The following QTGAL variants were observed in gnomAD, a reference collection of about 807,000 sequenced individuals.
The protein encoded by QTGAL is BGnT-like protein 1.
the QTGAL span, chr17:82,961,074 G>A: frequency 6.2e-7 from 1 of 1,609,668 alleles, no homozygotes; most frequent in East Asian, 2.2e-5. Flanking sequence ...CGCAGTGCGT[G>A]GCCGCCTGTG....
chr17:82,956,635 G>A, the QTGAL span: 14 of 1,474,492 alleles, frequency 9.5e-6, no homozygotes, highest in Non-Finnish European at 1.2e-5. This position sits in a 1 kb window ranked among gnomAD's most constrained non-coding sequence, Gnocchi z 5.7. Context: ...AGGGCGGGTT[G>A]TCCAGGTGGC....
chr17:83,031,149 G>C, the QTGAL span, among the ~76,000 whole-genome samples: 227 of 152,356 alleles, frequency 1.5e-3, 1 homozygote, highest in Middle Eastern at 0.01. Flanking sequence ...ACAGACAACC[G>C]AGACGAGAAC....
the QTGAL span, among the ~76,000 whole-genome samples, chr17:82,996,549 A>T: frequency 6.6e-6 from 1 of 151,710 alleles, no homozygotes; most frequent in African/African-American, 2.4e-5. Flanking sequence ...TAGAAAACAC[A>T]ACCCTAAAAT....
the QTGAL span, among the ~76,000 whole-genome samples, chr17:83,021,969 G>C: frequency 6.6e-6 from 1 of 151,988 alleles, no homozygotes; most frequent in African/African-American, 2.4e-5. Context: ...GAAAGAACAG[G>C]AATGCTGGAA....
the QTGAL span, among the ~76,000 whole-genome samples, chr17:82,966,716 A>C: frequency 6.6e-6 from 1 of 152,216 alleles, no homozygotes; most frequent in Non-Finnish European, 1.5e-5. Context: ...TGAGCTGAAC[A>C]CAAAAGAGGC....
the QTGAL span, chr17:82,948,675 TG>T: frequency 2.6e-5 from 4 of 152,316 alleles, no homozygotes; most frequent in African/African-American, 9.6e-5. Context: ...CCATGAGGGT[TG>T]GCCCTGCCAG....
the QTGAL span, among the ~76,000 whole-genome samples, chr17:83,016,063 G>A: frequency 0.037 from 5,667 of 152,266 alleles, 160 homozygotes; most frequent in Non-Finnish European, 0.051. Flanking sequence ...CCGGCCATAA[G>A]CATTTATTGA....
chr17:82,995,828 A>G, the QTGAL span, among the ~76,000 whole-genome samples: 1 of 152,230 alleles, frequency 6.6e-6, no homozygotes, highest in South Asian at 2.1e-4. Flanking sequence ...TGAAAACTAT[A>G]AAACACTGAT....
At chr17:83,039,264 CT>C in the QTGAL span, among the ~76,000 whole-genome samples, 1 of 142,338 alleles carries the variant, frequency 7.0e-6, no homozygotes, top group African/African-American at 2.6e-5. Flanking sequence ...CCGCCCGCCC[CT>C]GTTCTAGACA....
chr17:83,025,126 C>G, the QTGAL span, among the ~76,000 whole-genome samples: 1 of 151,984 alleles, frequency 6.6e-6, no homozygotes, highest in East Asian at 1.9e-4. Context: ...AGTCCACACA[C>G]ACATAGAAAC....
the QTGAL span, among the ~76,000 whole-genome samples, chr17:82,958,737 C>T: frequency 6.6e-6 from 1 of 151,292 alleles, no homozygotes. Flanking sequence ...ATAGTCCGGA[C>T]CCCACCTGGG....
the QTGAL span, chr17:82,960,991 C>A: frequency 1.3e-6 from 2 of 1,542,292 alleles, no homozygotes; most frequent in East Asian, 4.7e-5. Flanking sequence ...ACCCCGGCCC[C>A]GACCTCGGGC....
the QTGAL span, among the ~76,000 whole-genome samples, chr17:83,012,290 A>G: frequency 2.0e-5 from 3 of 150,700 alleles, no homozygotes; most frequent in Admixed American, 6.6e-5. Context: ...CCTCGTATCC[A>G]TAAGTCTCCC....
At chr17:83,031,965 C>A in the QTGAL span, among the ~76,000 whole-genome samples, 8 of 152,224 alleles carry the variant, frequency 5.3e-5, no homozygotes, top group African/African-American at 1.9e-4. Flanking sequence ...CGGGAAGGTG[C>A]CCACAGGCCC....
chr17:82,976,606 C>A, the QTGAL span, among the ~76,000 whole-genome samples: 1 of 77,362 alleles, frequency 1.3e-5, no homozygotes, highest in East Asian at 3.8e-4. Flanking sequence ...CGGACTCCAT[C>A]CTCCCAGGGA....
At chr17:83,019,915 G>A in the QTGAL span, among the ~76,000 whole-genome samples, 2 of 152,038 alleles carry the variant, frequency 1.3e-5, no homozygotes, top group Non-Finnish European at 2.9e-5. Flanking sequence ...CACATTTTTA[G>A]TAGAGACAGC....
At chr17:83,013,390 C>T in the QTGAL span, among the ~76,000 whole-genome samples, 3 of 124,458 alleles carry the variant, frequency 2.4e-5, no homozygotes, top group Admixed American at 1.6e-4. Flanking sequence ...CCATCCCAAC[C>T]CCCCTCCCCC....
the QTGAL span, chr17:83,005,044 A>G: frequency 7.7e-7 from 1 of 1,292,998 alleles, no homozygotes; most frequent in South Asian, 1.4e-5. This position sits in a 1 kb window ranked among gnomAD's most constrained non-coding sequence, Gnocchi z 5.6. Flanking sequence ...AAGAGGCCAC[A>G]GCATAATGCA....
the QTGAL span, among the ~76,000 whole-genome samples, chr17:83,046,122 C>T: frequency 1.3e-5 from 2 of 151,682 alleles, no homozygotes; most frequent in Admixed American, 6.6e-5. Flanking sequence ...CCAAACCCGG[C>T]CCATTTATTT....
Sources: gnomAD v4.1 joint callset for allele counts (sites outside exome capture counted in the v4.1 genomes callset) on GRCh38, gnomAD v4.1.1 for gene constraint, Gnocchi (gnomAD v3.1) non-coding constraint, MANE v1.5 for transcripts, NCBI Gene and HGNC (gene_info 2026-07-23, HGNC 2026-07-21) for gene names.